PDE3A: variants seen among roughly 807,000 people sequenced by gnomAD.
The protein encoded by PDE3A is phosphodiesterase 3A.
A neutral mutation model predicts 98.3 loss-of-function variants in PDE3A; 43 were observed. That is an observed-to-expected ratio of 0.44 (90% CI 0.34 to 0.56). The LOEUF (loss-of-function observed/expected upper bound fraction) is 0.56. Ranked by LOEUF, PDE3A falls within the 20% of genes least tolerant of loss-of-function variation. The pLI is 0.01. For missense variants in PDE3A, 1,427 were observed against 1,440.7 expected (o/e 0.99, Z 0.15); for synonymous variants, 663 against 567.9 (o/e 1.17, Z -2.38).
chr12:20,474,799 T>A (rs1435833225), intron 1 of PDE3A, among the ~76,000 whole-genome samples: 4 of 152,148 alleles, frequency 2.6e-5, no homozygotes, highest in African/African-American at 7.2e-5. Context: ...ATATTTAGGC[T>A]CCATTCAGAT....
chr12:20,506,126 G>GTGTGTGTGTA (rs1435336754), intron 1 of PDE3A, among the ~76,000 whole-genome samples: 3 of 148,578 alleles, frequency 2.0e-5, no homozygotes, highest in African/African-American at 7.6e-5. Context: ...GTGTGTGTGT[G>GTGTGTGTGTA]TGTATGTGTG....
At chr12:20,448,459 G>A (rs2120874958) in intron 1 of PDE3A, among the ~76,000 whole-genome samples, 1 of 152,242 alleles carries the variant, frequency 6.6e-6, no homozygotes, top group African/African-American at 2.4e-5. Flanking sequence ...AAATATTAGT[G>A]AAGAGGACAA....
chr12:20,645,496 C>CCA lies in PDE3A; in HGVS notation c.2252-994_2252-993insCA, dbSNP rs56755957. Among the ~76,000 whole-genome samples, 869 of 152,054 alleles carry CCA rather than the reference C, an allele frequency of 5.7e-3. 10 individuals carry two copies. The highest frequency in any genetic ancestry group is 0.02 in the African/African-American group (835 of 41,444). The stretch of plus-strand genomic sequence containing the variant: ...TTATGAAGAAATGTAATCTCTTATA[C>CCA]TAGAGAAGGAAACAGTATCATGGTT... On this transcript the variant is annotated intron_variant, in intron 10 of 15. Coordinates refer to ENST00000359062, the MANE Select transcript of PDE3A (RefSeq NM_000921.5).
At chr12:20,606,956 C>CTT (rs2121428272) in intron 2 of PDE3A, among the ~76,000 whole-genome samples, 1 of 151,580 alleles carries the variant, frequency 6.6e-6, no homozygotes, top group South Asian at 2.1e-4. Flanking sequence ...TTTTAAACTT[C>CTT]TTATCTATAG....
Position 20,446,155 on chromosome 12 carries a change from A to G in PDE3A, c.960+75911A>G, listed in dbSNP as rs114173586. The stretch of plus-strand genomic sequence containing the variant: ...CTTCCCATCCAAAGCAAAACTAGGA[A>G]TTTGTGTTTTGTGAGAATTTGAAGA... On this transcript the variant is annotated intron_variant, in intron 1 of 15. Transcript: ENST00000359062. Among the ~76,000 whole-genome samples the G allele has an allele frequency of 4.0e-3, 608 of 152,272 alleles. 4 individuals carry two copies. Among genetic ancestry groups the G allele is most frequent in the African/African-American group, 0.013 (556 of 41,554 alleles).
intron 1 of PDE3A, among the ~76,000 whole-genome samples, chr12:20,507,867 G>T (rs1209855438): frequency 6.6e-6 from 1 of 152,186 alleles, no homozygotes; most frequent in Non-Finnish European, 1.5e-5. Flanking sequence ...CCTCGTAGCT[G>T]TTCTCTCGGC....
At chr12:20,594,940 A>G (rs1943429428) in intron 2 of PDE3A, among the ~76,000 whole-genome samples, 1 of 151,932 alleles carries the variant, frequency 6.6e-6, no homozygotes, top group Non-Finnish European at 1.5e-5. Context: ...ATAAAATTTT[A>G]TTATTACCAC....
intron 1 of PDE3A, among the ~76,000 whole-genome samples, chr12:20,423,379 T>A (rs1311623390): frequency 6.6e-6 from 1 of 152,224 alleles, no homozygotes; most frequent in African/African-American, 2.4e-5. Context: ...TATGTGCTCA[T>A]ATCTGTTTTA....
At chr12:20,441,497 TA>T in intron 1 of PDE3A, among the ~76,000 whole-genome samples, 1 of 152,350 alleles carries the variant, frequency 6.6e-6, no homozygotes, top group Non-Finnish European at 1.5e-5. Flanking sequence ...GGTACTTTGC[TA>T]AAATAAGCAT....
intron 1 of PDE3A, among the ~76,000 whole-genome samples, chr12:20,459,175 C>T (rs896555467): frequency 1.3e-5 from 2 of 152,066 alleles, no homozygotes; most frequent in African/African-American, 4.8e-5. Flanking sequence ...TATCAAGTTA[C>T]TGTTTAAACA....
intron 1 of PDE3A, among the ~76,000 whole-genome samples, chr12:20,522,414 G>A (rs934458015): frequency 6.6e-6 from 1 of 152,210 alleles, no homozygotes; most frequent in Admixed American, 6.5e-5. Flanking sequence ...ACAGGTGATT[G>A]TGAAAGTTTG....
chr12:20,638,493 C>T (rs113196802), intron 9 of PDE3A, among the ~76,000 whole-genome samples: 3 of 152,256 alleles, frequency 2.0e-5, no homozygotes, highest in African/African-American at 7.2e-5. Context: ...CTCTTCCCTT[C>T]CTTTCTTCTT....
At chr12:20,460,071 T>C (rs1945220600) in intron 1 of PDE3A, among the ~76,000 whole-genome samples, 1 of 152,206 alleles carries the variant, frequency 6.6e-6, no homozygotes. Context: ...CATAGTCACC[T>C]ACGGTGGCTG....
At position 20,552,906 on chromosome 12, in the gene PDE3A, C is replaced by T. The variant is rs895751111; in HGVS notation, c.961-3754C>T. 4.4e-6 allele frequency: 7 copies of T among 1,602,968 alleles called. No homozygotes were observed. The South Asian group carries it at 4.5e-5, about 10-fold the overall frequency. On this transcript the variant is annotated intron_variant, in intron 1 of 15. Transcript: ENST00000359062. This position sits in a 1 kb window ranked among gnomAD's most constrained non-coding sequence, Gnocchi z 5.1. ...CCTTTCGGGCACAGGTGTTCAGCTG[C>T]CCTGCCTGCCGCTACGACCTGGGCC...
intron 15 of PDE3A, among the ~76,000 whole-genome samples, chr12:20,665,963 T>C (rs978363510): frequency 5.6e-5 from 8 of 143,548 alleles, no homozygotes; most frequent in African/African-American, 7.8e-5. Context: ...TCATTTCTTT[T>C]TTTTTTTTTT....
chr12:20,687,647 C>A lies in PDE3A; in HGVS notation c.*7376C>A, dbSNP rs1354664861. ...TGAACCCACCCACCCCCTGATATTT[C>A]TTCCTCAAGTTTTCTATCATGCAAA... On this transcript the variant is annotated 3_prime_UTR_variant, in exon 16 of 16. Transcript: ENST00000359062. 6.6e-6 allele frequency among the ~76,000 whole-genome samples: 1 copy of A among 151,844 alleles called. No individual in the cohort carries two copies. Among genetic ancestry groups the A allele is most frequent in the Non-Finnish European group, 1.5e-5 (1 of 67,886 alleles).
intron 1 of PDE3A, among the ~76,000 whole-genome samples, chr12:20,533,150 G>T (rs1321162614): frequency 6.6e-6 from 1 of 152,096 alleles, no homozygotes; most frequent in Non-Finnish European, 1.5e-5. Context: ...TAACTAACTT[G>T]TAGGTGCCAG....
intron 7 of PDE3A, among the ~76,000 whole-genome samples, chr12:20,634,192 T>C (rs1345873896): frequency 6.6e-6 from 1 of 152,182 alleles, no homozygotes; most frequent in African/African-American, 2.4e-5. Flanking sequence ...TATAGAAATA[T>C]TATTTTATCT....
chr12:20,675,676 C>A (rs201333350), intron 15 of PDE3A, among the ~76,000 whole-genome samples: 1 of 152,148 alleles, frequency 6.6e-6, no homozygotes, highest in East Asian at 1.9e-4. Flanking sequence ...ACTATTCTAT[C>A]CTCTTACTGA....
Sources: gnomAD v4.1 joint callset for allele counts (sites outside exome capture counted in the v4.1 genomes callset) on GRCh38, gnomAD v4.1.1 for gene constraint, Gnocchi (gnomAD v3.1) non-coding constraint, MANE v1.5 for transcripts, NCBI Gene and HGNC (gene_info 2026-07-23, HGNC 2026-07-21) for gene names.